Variants in KALRN observed in about 807,000 individuals in gnomAD.
KALRN encodes the protein kalirin.
Under a neutral mutation model 353.7 loss-of-function variants are expected in KALRN, and 70 were observed. The observed-to-expected ratio is 0.20, with a 90% confidence interval of 0.16 to 0.24. KALRN has a LOEUF of 0.24. KALRN is among the 10% of genes least tolerant of loss of function. KALRN has a pLI of 1.00. For synonymous variants in KALRN, 1,391 were observed against 1,434.8 expected (o/e 0.97, Z 0.69); for missense variants, 2,791 against 3,756.7 (o/e 0.74, Z 6.72).
rs1342973255 is a variant in KALRN, at chr3:124,671,739, A to G, written c.6783A>G (p.Gln2261=). ...VMRSQPARLP[Q]ASPRPYSSVP... is the part of the protein sequence containing the mutation. ...GGTCTCAACCTGCCAGGCTTCCCCA[A>G]GCCAGCCCCAGGCCCTACTCCTCTG... The change falls in exon 48 of 60, where the codon CAA becomes CAG. Residue 2261 remains glutamine (Q), a synonymous_variant. Coordinates refer to ENST00000682506, the MANE Select transcript of KALRN (RefSeq NM_001388419.1). 11 of 1,614,136 alleles carry G rather than the reference A, an allele frequency of 6.8e-6. No individual in the cohort carries two copies. Among genetic ancestry groups the G allele is most frequent in the Non-Finnish European group, 8.5e-6 (10 of 1,180,012 alleles).
intron 9 of KALRN, among the ~76,000 whole-genome samples, chr3:124,335,570 G>A (rs1440235673): frequency 6.6e-6 from 1 of 151,986 alleles, no homozygotes; most frequent in African/African-American, 2.4e-5. Context: ...TACTAGTGTG[G>A]GGGGAGCTGG....
rs141552335 is a variant in KALRN at position 124,508,778 on chromosome 3, A to G, written c.4935+12365A>G. ...ACCAAATTTACACTCCTGCCAATAT[A>G]TATGAAGTTTTCCATTGCTCTATAT... On this transcript the variant is annotated intron_variant, in intron 33 of 59. Transcript: ENST00000682506. 8.3e-4 allele frequency among the ~76,000 whole-genome samples: 126 copies of G among 152,300 alleles called. 1 individual carries two copies. The highest frequency in any genetic ancestry group is 1.5e-3 in the Non-Finnish European group (101 of 68,018).
At chr3:124,281,186 T>C (rs190668334) in intron 5 of KALRN, among the ~76,000 whole-genome samples, 1 of 152,306 alleles carries the variant, frequency 6.6e-6, no homozygotes, top group African/African-American at 2.4e-5. Flanking sequence ...CCACTCTTGG[T>C]TTGTTCACCT....
At chr3:124,536,997 T>G (rs2068572184) in intron 33 of KALRN, among the ~76,000 whole-genome samples, 1 of 152,194 alleles carries the variant, frequency 6.6e-6, no homozygotes, top group African/African-American at 2.4e-5. Flanking sequence ...GCACTTTCCA[T>G]GTACTTCAGC....
intron 1 of KALRN, among the ~76,000 whole-genome samples, chr3:124,176,305 T>C (rs1276894375): frequency 6.6e-6 from 1 of 152,076 alleles, no homozygotes; most frequent in African/African-American, 2.4e-5. Context: ...AGCCCCGCAG[T>C]AGTAGTTGTT....
At chr3:124,226,103 C>G (rs1003183488) in intron 1 of KALRN, among the ~76,000 whole-genome samples, 1 of 152,060 alleles carries the variant, frequency 6.6e-6, no homozygotes, top group Non-Finnish European at 1.5e-5. Flanking sequence ...CATCATTGTT[C>G]ACAAACAAGT....
chr3:124,329,272 C>CT (rs2080255464), intron 7 of KALRN, among the ~76,000 whole-genome samples: 2 of 152,210 alleles, frequency 1.3e-5, no homozygotes, highest in Non-Finnish European at 2.9e-5. Flanking sequence ...AGCCTGTCCC[C>CT]CTAGACTGCC....
At chr3:124,354,633 A>C (rs1001626563) in intron 10 of KALRN, among the ~76,000 whole-genome samples, 10 of 152,262 alleles carry the variant, frequency 6.6e-5, no homozygotes, top group Non-Finnish European at 1.3e-4. Flanking sequence ...TACAGGTTGC[A>C]AACAATATTT....
At chr3:124,368,116 CGG>C (rs2085203276) in intron 10 of KALRN, among the ~76,000 whole-genome samples, 1 of 64,574 alleles carries the variant, frequency 1.5e-5, no homozygotes, top group East Asian at 1.6e-3. Flanking sequence ...CCCTCCCGGA[CGG>C]GGCAGCTGGC....
chr3:124,585,039 C>A (rs1459321465), intron 34 of KALRN: 4 of 1,105,654 alleles, frequency 3.6e-6, no homozygotes, highest in Non-Finnish European at 5.0e-6. Context: ...ATCAGGAGGG[C>A]GGCGAAGTGA....
At chr3:124,146,278 A>G (rs1020848322) in intron 1 of KALRN, among the ~76,000 whole-genome samples, 1 of 152,242 alleles carries the variant, frequency 6.6e-6, no homozygotes, top group Non-Finnish European at 1.5e-5. Context: ...GAGCACAGAA[A>G]TAGAAAGGAA....
rs1037006175 is a variant in KALRN, at chr3:124,574,268, G to C, written c.5182+11179G>C. On this transcript the variant is annotated intron_variant, in intron 34 of 59. Coordinates refer to ENST00000682506, the MANE Select transcript of KALRN (RefSeq NM_001388419.1). Reference sequence around the variant, plus strand: ...CTCAGTGTCGTGCTGTCTCCAAGTAGAACTGAAGCAGGAAGACCCAGGTGT... The same window carrying C: ...CTCAGTGTCGTGCTGTCTCCAAGTACAACTGAAGCAGGAAGACCCAGGTGT... Among the ~76,000 whole-genome samples, 4 of 152,216 alleles carry C rather than the reference G, an allele frequency of 2.6e-5. No individual in the cohort carries two copies. In the East Asian group the frequency reaches 7.7e-4, roughly 29 times the overall value.
At chr3:124,175,676 T>C (rs1191875170) in intron 1 of KALRN, among the ~76,000 whole-genome samples, 10 of 128,850 alleles carry the variant, frequency 7.8e-5, no homozygotes, top group East Asian at 2.5e-4. Flanking sequence ...CTCCAGGATG[T>C]GGAGATGTGC....
chr3:124,178,015 G>A (rs919360032), intron 1 of KALRN, among the ~76,000 whole-genome samples: 1 of 152,140 alleles, frequency 6.6e-6, no homozygotes. Flanking sequence ...GCAGAAACCC[G>A]GGTTCTACCT....
At chr3:124,457,289 C>T (rs547525406) in intron 23 of KALRN, among the ~76,000 whole-genome samples, 14 of 152,216 alleles carry the variant, frequency 9.2e-5, no homozygotes, top group East Asian at 1.9e-4. Context: ...AGGCTGGTCT[C>T]GGACTCCTGA....
At chr3:124,345,584 T>C (rs537094751) in intron 9 of KALRN, among the ~76,000 whole-genome samples, 1 of 152,238 alleles carries the variant, frequency 6.6e-6, no homozygotes, top group Admixed American at 6.5e-5. Flanking sequence ...TTAAAATATG[T>C]ATATTGCCAG....
At chr3:124,324,502 AT>A (rs2079673103) in intron 6 of KALRN, among the ~76,000 whole-genome samples, 1 of 152,206 alleles carries the variant, frequency 6.6e-6, no homozygotes, top group African/African-American at 2.4e-5. Context: ...AGGGATAGTT[AT>A]TTCCCATAAC....
At chr3:124,432,550 C>T (rs1367673905) in intron 16 of KALRN, among the ~76,000 whole-genome samples, 2 of 152,202 alleles carry the variant, frequency 1.3e-5, no homozygotes, top group East Asian at 3.9e-4. Context: ...GAAGACAGCT[C>T]TTGGCCATAC....
At chr3:124,470,530 T>A (rs912421055) in intron 25 of KALRN, among the ~76,000 whole-genome samples, 1 of 5,542 alleles carries the variant, frequency 1.8e-4, no homozygotes, top group East Asian at 2.5e-3. Flanking sequence ...CTGAATAGGT[T>A]TTTTAAAAAA....
Sources: allele counts gnomAD v4.1 joint callset (sites outside exome capture counted in the v4.1 genomes callset), GRCh38; gene constraint gnomAD v4.1.1; transcripts MANE v1.5; gene names NCBI Gene and HGNC (gene_info 2026-07-23, HGNC 2026-07-21).